The following CCDC90B variants were observed in gnomAD, a reference collection of about 807,000 sequenced individuals.
CCDC90B encodes the protein coiled-coil domain-containing protein 90B, mitochondrial.
In CCDC90B, 24 loss-of-function variants were observed where a neutral mutation model predicts 37.0. That is an observed-to-expected ratio of 0.65 (90% confidence interval 0.47 to 0.91). The LOEUF (loss-of-function observed/expected upper bound fraction) is 0.91, where lower values mean the gene tolerates loss of function less well. Among genes scored for constraint, CCDC90B ranks in the 40% least tolerant of loss-of-function variants. The probability of loss-of-function intolerance (pLI) is 0.00; values close to 1 mark genes in which losing one functional copy is unlikely to be tolerated. For synonymous variants in CCDC90B, 113 were observed against 101.1 expected, an observed-to-expected ratio of 1.12 and a Z score of -0.71; for missense variants, 319 against 299.0, an observed-to-expected ratio of 1.07 and a Z score of -0.49.
intron 3 of CCDC90B, 31 bp from the exon 4 acceptor site, chr11:83,274,771 T>A (rs1486824522): frequency 3.7e-6 from 5 of 1,349,566 alleles, no homozygotes; most frequent in East Asian, 4.6e-5. Flanking sequence ...AACCTAGTGA[T>A]CTATAGAAAG....
At chr11:83,273,737 G>A (rs1019615614) in intron 6 of CCDC90B, 37 bp from the exon 7 acceptor site, 6 of 1,586,436 alleles carry the variant, frequency 3.8e-6, no homozygotes, top group Non-Finnish European at 5.2e-6. Flanking sequence ...TAAAAAAAAA[G>A]TCTAAAAATA....
chr11:83,285,845 G>A (rs1284132882), intron 1 of CCDC90B, 28 bp downstream of exon 1: 4 of 1,598,164 alleles, frequency 2.5e-6, no homozygotes, highest in Non-Finnish European at 2.6e-6. Flanking sequence ...GAGCACTCAG[G>A]CATCTATGAC....
chr11:83,274,956 T>C (rs1254821923), intron 3 of CCDC90B, among the ~76,000 whole-genome samples: 1 of 152,136 alleles, frequency 6.6e-6, no homozygotes, highest in Non-Finnish European at 1.5e-5. Context: ...GAGAGATAAA[T>C]TTGTAGGCCT....
At chr11:83,276,812 C>T (rs150767087) in intron 3 of CCDC90B, among the ~76,000 whole-genome samples, 4 of 152,314 alleles carry the variant, frequency 2.6e-5, no homozygotes, top group Non-Finnish European at 4.4e-5. Flanking sequence ...TTTTAAACTA[C>T]TATGGAGCCA....
At chr11:83,267,841 G>A (rs1340285454) in intron 7 of CCDC90B, among the ~76,000 whole-genome samples, 1 of 152,284 alleles carries the variant, frequency 6.6e-6, no homozygotes, top group East Asian at 1.9e-4. Flanking sequence ...AGGAAAAAGT[G>A]TTAAGGGCAG....
chr11:83,275,924 G>C (rs1165156656), intron 3 of CCDC90B, among the ~76,000 whole-genome samples: 4 of 152,210 alleles, frequency 2.6e-5, no homozygotes, highest in Admixed American at 2.6e-4. Context: ...ACAGTACTTG[G>C]CATATGGTTA....
intron 1 of CCDC90B, among the ~76,000 whole-genome samples, chr11:83,282,489 AATTTGGGATAGAGAC>A (rs1278567674): frequency 6.6e-6 from 1 of 152,212 alleles, no homozygotes; most frequent in Admixed American, 6.5e-5. Context: ...CTTCCTGCTA[AATTTGGGATAGAGAC>A]CAAATACCTT....
chr11:83,264,987 T>C (rs987913032), intron 8 of CCDC90B, among the ~76,000 whole-genome samples: 12 of 147,258 alleles, frequency 8.1e-5, no homozygotes, highest in East Asian at 2.1e-4. Flanking sequence ...AGGGATAGCA[T>C]TGGGAGATAT....
intron 1 of CCDC90B, among the ~76,000 whole-genome samples, chr11:83,283,438 A>G (rs75889305): frequency 0.033 from 5,076 of 152,298 alleles, 278 homozygotes; most frequent in African/African-American, 0.11. Flanking sequence ...ATACAGAAGG[A>G]TATGTAAAAC....
intron 7 of CCDC90B, among the ~76,000 whole-genome samples, chr11:83,272,315 G>A (rs1249144656): frequency 6.6e-6 from 1 of 152,034 alleles, no homozygotes; most frequent in East Asian, 1.9e-4. Flanking sequence ...CATATTTGGA[G>A]ATCATCTTTT....
intron 7 of CCDC90B, among the ~76,000 whole-genome samples, chr11:83,266,522 C>G (rs541436053): frequency 6.6e-6 from 1 of 152,242 alleles, no homozygotes; most frequent in South Asian, 2.1e-4. Context: ...AGTCTGAAAT[C>G]GAACTGTGAG....
Position 83,285,624 on chromosome 11 carries a change from C to T in CCDC90B, c.100+249G>A. ...ACGGAAACAACGGCTGAGAAAGAAG[C>T]CGGGCGCGAAGCCCAGGCCTTCAAA... On this transcript the variant is annotated intron_variant, in intron 1 of 8. Transcript: ENST00000529689. 5 of 1,346,438 alleles carry T rather than the reference C, an allele frequency of 3.7e-6. No homozygotes were observed. The South Asian group carries it at 7.1e-5, about 19-fold the overall frequency. The allele number at this position is 1,346,438 out of a possible 1,614,324, so 83.4% of individuals were successfully genotyped here. A position where few individuals can be genotyped will look rare whatever the true frequency, so the allele number is the denominator to read the frequency against.
intron 7 of CCDC90B, among the ~76,000 whole-genome samples, chr11:83,267,987 T>C (rs966857914): frequency 6.6e-6 from 1 of 152,188 alleles, no homozygotes; most frequent in African/African-American, 2.4e-5. Flanking sequence ...ACCCAGAATT[T>C]CATATCTAGC....
At chr11:83,283,256 G>A (rs1049424424) in intron 1 of CCDC90B, among the ~76,000 whole-genome samples, 1 of 152,174 alleles carries the variant, frequency 6.6e-6, no homozygotes, top group Non-Finnish European at 1.5e-5. Context: ...AGAAGCATTT[G>A]GCCCTCCTTG....
intron 2 of CCDC90B, 63 bp from the exon 3 acceptor site, chr11:83,278,892 C>A: frequency 1.2e-6 from 1 of 846,786 alleles, no homozygotes; most frequent in Non-Finnish European, 2.0e-6. Flanking sequence ...AAATAGACAG[C>A]AAGAGTAACT....
chr11:83,274,579 A>G (rs1355575185), intron 4 of CCDC90B, 60 bp downstream of exon 4: 3 of 959,918 alleles, frequency 3.1e-6, no homozygotes, highest in Non-Finnish European at 4.7e-6. Flanking sequence ...TTATTCCTTA[A>G]GTAGGATGCT....
intron 4 of CCDC90B, 160 bp from the exon 5 acceptor site, chr11:83,274,152 G>C: frequency 2.3e-6 from 1 of 434,746 alleles, no homozygotes; most frequent in Non-Finnish European, 4.0e-6. Flanking sequence ...GTAAGCCACT[G>C]TATTCAGAAA....
In CCDC90B at chr11:83,259,402, T is replaced by A. The variant is rs1863835903; in HGVS notation, c.*2509A>T. Reference sequence around the variant, plus strand: ...ATGGGGACAGGGTATGGTATGCATATTTCTATTCTTCTGTTATTGGATACA... The same window carrying A: ...ATGGGGACAGGGTATGGTATGCATAATTCTATTCTTCTGTTATTGGATACA... On this transcript the variant is annotated 3_prime_UTR_variant, in exon 9 of 9. Transcript: ENST00000529689. 1 of 152,342 alleles carries A rather than the reference T, an allele frequency of 6.6e-6. No individual in the cohort carries two copies. The highest frequency in any genetic ancestry group is 2.4e-5 in the African/African-American group (1 of 41,584). The allele number at this position is 152,342 out of a possible 1,614,324, so 9.4% of individuals were successfully genotyped here. A position where few individuals can be genotyped will look rare whatever the true frequency, so the allele number is the denominator to read the frequency against.
At chr11:83,262,212 C>T (rs1863969104) in intron 8 of CCDC90B, among the ~76,000 whole-genome samples, 3 of 152,018 alleles carry the variant, frequency 2.0e-5, no homozygotes, top group African/African-American at 7.2e-5. Context: ...AACCTATAAC[C>T]TGTATTTAAA....
Sources: gnomAD v4.1 joint callset for allele counts (sites outside exome capture counted in the v4.1 genomes callset) on GRCh38, gnomAD v4.1.1 for gene constraint, MANE v1.5 for transcripts, NCBI Gene and HGNC (gene_info 2026-07-23, HGNC 2026-07-21) for gene names.